Variants in SLC4A5 observed in about 807,000 individuals in gnomAD.
SLC4A5 encodes electrogenic sodium bicarbonate cotransporter 4.
SLC4A5 carries 96 observed loss-of-function variants against 120.4 expected under a neutral mutation model. The observed-to-expected ratio is 0.80, with a 90% CI of 0.68 to 0.94. The LOEUF is 0.94. Among genes scored for constraint, SLC4A5 ranks in the 40% least tolerant of loss-of-function variants. SLC4A5 has a pLI of 0.00. For synonymous variants in SLC4A5, 550 were observed against 571.1 expected, an observed-to-expected ratio of 0.96 and a Z score of 0.53; for missense variants, 1,259 against 1,459.5, an observed-to-expected ratio of 0.86 and a Z score of 2.24.
At chr2:74,248,618 T>A in intron 17 of SLC4A5, 132 bp from the exon 18 acceptor site, 1 of 1,060,716 alleles carries the variant, frequency 9.4e-7, no homozygotes, top group Non-Finnish European at 1.3e-6. Flanking sequence ...CTTTCCTCCC[T>A]AAATCCTGTT....
At chr2:74,239,636 C>T (rs542780798) in intron 20 of SLC4A5, 101 bp from the exon 21 acceptor site, 187 of 1,143,124 alleles carry the variant, frequency 1.6e-4, no homozygotes, top group Admixed American at 3.2e-4. Flanking sequence ...ACCTTCCCAC[C>T]CTCTGAGGGA....
intron 7 of SLC4A5, among the ~76,000 whole-genome samples, chr2:74,292,560 C>T (rs1396629660): frequency 1.3e-5 from 2 of 152,218 alleles, no homozygotes; most frequent in East Asian, 3.8e-4. Flanking sequence ...TCACAAAGTG[C>T]CAGCCCAACT....
intron 4 of SLC4A5, among the ~76,000 whole-genome samples, chr2:74,330,043 T>A (rs1184504456): frequency 2.0e-5 from 3 of 150,840 alleles, no homozygotes; most frequent in African/African-American, 7.3e-5. Flanking sequence ...GTGTAGATGG[T>A]GATGGTGAGG....
intron 21 of SLC4A5, among the ~76,000 whole-genome samples, chr2:74,235,485 G>C (rs1670240699): frequency 6.6e-6 from 1 of 152,194 alleles, no homozygotes; most frequent in Admixed American, 6.5e-5. Context: ...CACATTTAGA[G>C]TGCTTGGCAT....
intron 16 of SLC4A5, among the ~76,000 whole-genome samples, chr2:74,251,443 C>T (rs1670786955): frequency 6.6e-6 from 1 of 151,538 alleles, no homozygotes; most frequent in South Asian, 2.1e-4. Context: ...GAAACCCAGG[C>T]CAGGAGAACT....
chr2:74,278,361 T>C (rs901556684), intron 8 of SLC4A5, among the ~76,000 whole-genome samples: 14 of 152,180 alleles, frequency 9.2e-5, no homozygotes, highest in Non-Finnish European at 1.8e-4. Flanking sequence ...CTATCCTGGG[T>C]CAACCGCGTG....
rs144128563 is a variant in SLC4A5 at position 74,337,486 on chromosome 2, C to G, written c.-221+1369G>C. ...TAAGGGTCAGCACCTTTTTAAAGAG[C>G]GGGGCTCAAGTACAGATGAAGGAGA... On this transcript the variant is annotated intron_variant, in intron 3 of 30. Coordinates refer to ENST00000394019, the Ensembl canonical transcript of SLC4A5. 1.4e-3 allele frequency among the ~76,000 whole-genome samples: 213 copies of G among 152,240 alleles called. 1 individual carries two copies. The highest frequency in any genetic ancestry group is 4.8e-3 in the African/African-American group (200 of 41,542).
At chr2:74,278,319 A>G (rs1037669035) in intron 8 of SLC4A5, among the ~76,000 whole-genome samples, 3 of 152,062 alleles carry the variant, frequency 2.0e-5, no homozygotes, top group African/African-American at 4.8e-5. Flanking sequence ...TAGCCTTCCA[A>G]TCTCACTCAC....
At chr2:74,318,410 C>A (rs1007417094) in intron 5 of SLC4A5, among the ~76,000 whole-genome samples, 4 of 152,132 alleles carry the variant, frequency 2.6e-5, no homozygotes, top group African/African-American at 9.7e-5. Context: ...CTAGGCCTGG[C>A]GAGGTGGCTC....
intron 5 of SLC4A5, among the ~76,000 whole-genome samples, chr2:74,316,482 G>A (rs1672969911): frequency 6.6e-6 from 1 of 152,070 alleles, no homozygotes; most frequent in South Asian, 2.1e-4. Context: ...GACACACCTG[G>A]TTATATCATC....
intron 6 of SLC4A5, among the ~76,000 whole-genome samples, chr2:74,314,111 G>C (rs1459804640): frequency 6.6e-6 from 1 of 152,224 alleles, no homozygotes. Context: ...AATCAGAGGA[G>C]ATGGCTGTCA....
intron 20 of SLC4A5, among the ~76,000 whole-genome samples, chr2:74,241,125 TGG>T (rs1205384345): frequency 1.4e-4 from 22 of 152,052 alleles, no homozygotes; most frequent in African/African-American, 5.1e-4. Context: ...TGCTAGAAAT[TGG>T]GGGTCCTAGG....
intron 25 of SLC4A5, among the ~76,000 whole-genome samples, chr2:74,230,461 A>G (rs1216901407): frequency 3.3e-5 from 5 of 152,116 alleles, no homozygotes; most frequent in African/African-American, 1.2e-4. Flanking sequence ...TCGAGTCCCC[A>G]GACTTCCTGA....
At chr2:74,285,744 C>T (rs1223672158) in intron 8 of SLC4A5, 29 bp downstream of exon 8, 26 of 1,603,638 alleles carry the variant, frequency 1.6e-5, no homozygotes, top group Non-Finnish European at 2.2e-5. Flanking sequence ...GACTGAAGTG[C>T]CCACCTCCCT....
chr2:74,323,489 T>C (rs1450980356), intron 5 of SLC4A5, among the ~76,000 whole-genome samples: 1 of 151,914 alleles, frequency 6.6e-6, no homozygotes, highest in East Asian at 1.9e-4. Flanking sequence ...ATCAGAATAA[T>C]GAAGAGCAGT....
chr2:74,233,321 G>T, intron 23 of SLC4A5, 81 bp downstream of exon 23: 1 of 1,520,740 alleles, frequency 6.6e-7, no homozygotes, highest in Non-Finnish European at 9.1e-7. Flanking sequence ...AGTACTGAAA[G>T]AAGCATCATG....
At chr2:74,241,423 A>G (rs1442848763) in intron 20 of SLC4A5, among the ~76,000 whole-genome samples, 3 of 151,540 alleles carry the variant, frequency 2.0e-5, no homozygotes, top group African/African-American at 7.3e-5. Flanking sequence ...GTACCACTAC[A>G]CCCAGCTCGT....
At chr2:74,221,090 G>A (rs189068241) in intron 30 of SLC4A5, among the ~76,000 whole-genome samples, 13 of 152,148 alleles carry the variant, frequency 8.5e-5, no homozygotes, top group South Asian at 2.1e-4. Context: ...TGATCCACCC[G>A]CCTTGGCCTC....
chr2:74,281,555 A>G (rs1291007320), intron 8 of SLC4A5, among the ~76,000 whole-genome samples: 1 of 152,220 alleles, frequency 6.6e-6, no homozygotes, highest in African/African-American at 2.4e-5. Flanking sequence ...CAGAGTTAAT[A>G]AAAATCTATC....
Sources: allele counts gnomAD v4.1 joint callset (sites outside exome capture counted in the v4.1 genomes callset), GRCh38; gene constraint gnomAD v4.1.1; transcripts MANE v1.5; gene names NCBI Gene and HGNC (gene_info 2026-07-23, HGNC 2026-07-21).